Variants in CA10 observed in about 807,000 individuals in gnomAD.
The protein encoded by CA10 is carbonic anhydrase-related protein 10.
In CA10, 14 loss-of-function variants were observed where a neutral mutation model predicts 44.2. The observed-to-expected ratio is 0.32, with a 90% CI of 0.21 to 0.50. The LOEUF (loss-of-function observed/expected upper bound fraction) is 0.50. CA10 is among the 20% of genes least tolerant of loss of function. CA10 has a pLI of 0.99. For missense variants in CA10, 350 were observed against 409.7 expected, an observed-to-expected ratio of 0.85 and a Z score of 1.26; for synonymous variants, 159 against 141.6, an observed-to-expected ratio of 1.12 and a Z score of -0.87.
chr17:51,726,760 A>C (rs1311063073), intron 4 of CA10, among the ~76,000 whole-genome samples: 1 of 152,226 alleles, frequency 6.6e-6, no homozygotes, highest in Non-Finnish European at 1.5e-5. Context: ...TATGACAAGC[A>C]TAGAACAGAG....
chr17:51,866,137 C>T (rs570664942), intron 3 of CA10, among the ~76,000 whole-genome samples: 39 of 152,296 alleles, frequency 2.6e-4, no homozygotes, highest in Admixed American at 9.8e-4. Context: ...CCTGACGATG[C>T]CACTAAGCCC....
At position 51,884,340 on chromosome 17, in the gene CA10, T is replaced by A. The variant is rs557263430; in HGVS notation, c.279+46650A>T. On this transcript the variant is annotated intron_variant, in intron 3 of 8. Coordinates refer to ENST00000451037, the MANE Select transcript of CA10 (RefSeq NM_020178.5). ...CATTGTACTCAAATTGAAAGCAAAA[T>A]CCTTGCAATCCCTCTCACCTCATTG... Among the ~76,000 whole-genome samples the A allele has an allele frequency of 6.6e-4, 101 of 152,248 alleles. 2 individuals carry two copies. In the South Asian group the frequency reaches 0.02, roughly 30 times the overall value.
upstream of CA10, chr17:52,159,307 G>A (rs1333582815): frequency 6.6e-6 from 1 of 152,106 alleles, no homozygotes; most frequent in African/African-American, 2.4e-5. Context: ...TCCTAGACCA[G>A]GTGCAACTCT....
intron 3 of CA10, among the ~76,000 whole-genome samples, chr17:51,806,363 C>A (rs1242808520): frequency 6.6e-6 from 1 of 152,138 alleles, no homozygotes; most frequent in Non-Finnish European, 1.5e-5. Context: ...CTTTTGCTTC[C>A]ATAGAGCTCA....
chr17:51,706,067 C>T lies in CA10; in HGVS notation c.465+41566G>A, dbSNP rs562072809. Among the ~76,000 whole-genome samples, 4 of 152,274 alleles carry T rather than the reference C, an allele frequency of 2.6e-5. No individual in the cohort carries two copies. In the South Asian group the frequency reaches 8.3e-4, roughly 32 times the overall value. On this transcript the variant is annotated intron_variant, in intron 4 of 8. Transcript: ENST00000451037. ...TCTGGTTGAAGTCATAGTTCCAGCA[C>T]CGAGTAGCTGCGCAGTGCTGGGCAA...
At chr17:51,858,490 G>A (rs1428729508) in intron 3 of CA10, among the ~76,000 whole-genome samples, 1 of 152,136 alleles carries the variant, frequency 6.6e-6, no homozygotes, top group Non-Finnish European at 1.5e-5. Context: ...GGTTACAGCT[G>A]AAAATGTTAG....
At chr17:51,831,728 A>AGCCGCCGCC (rs1555604084) in intron 3 of CA10, among the ~76,000 whole-genome samples, 1 of 128,562 alleles carries the variant, frequency 7.8e-6, no homozygotes, top group African/African-American at 3.1e-5. Context: ...CAGCAGCAGC[A>AGCCGCCGCC]GCAGAAAAAG....
chr17:51,981,411 G>A (rs1022221902), intron 2 of CA10, among the ~76,000 whole-genome samples: 1 of 151,992 alleles, frequency 6.6e-6, no homozygotes, highest in Non-Finnish European at 1.5e-5. Context: ...GAGCAAAAAT[G>A]TCAAACAGAA....
At chr17:52,025,226 A>C (rs1042742552) in intron 2 of CA10, among the ~76,000 whole-genome samples, 2 of 152,116 alleles carry the variant, frequency 1.3e-5, no homozygotes, top group African/African-American at 2.4e-5. Context: ...ATCTGATTGA[A>C]CTGGCTGAGT....
chr17:52,125,022 A>C (rs1989089601), intron 1 of CA10, among the ~76,000 whole-genome samples: 2 of 152,194 alleles, frequency 1.3e-5, no homozygotes, highest in African/African-American at 4.8e-5. Flanking sequence ...TATGGTTTTC[A>C]CATACACATC....
intron 2 of CA10, among the ~76,000 whole-genome samples, chr17:51,998,428 T>C (rs1001271897): frequency 2.0e-5 from 3 of 152,070 alleles, no homozygotes; most frequent in Non-Finnish European, 1.5e-5. Context: ...AATTTAACTT[T>C]ACTTTCTTTT....
chr17:51,631,491 A>T lies in CA10; in HGVS notation c.*93T>A. On this transcript the variant is annotated 3_prime_UTR_variant, in exon 9 of 9. Transcript: ENST00000451037. ...AGAATGAATGAGGCTTGGGGGAAAG[A>T]AGGAGAGAGAAGCAAGAAGGGGGAC... The T allele has an allele frequency of 8.6e-7, 1 of 1,157,630 alleles. No homozygotes were observed. Among genetic ancestry groups the T allele is most frequent in the Non-Finnish European group, 1.3e-6 (1 of 768,584 alleles). 71.7% of individuals were successfully genotyped at this position (1,157,630 alleles called of 1,614,324 possible).
At chr17:51,775,604 C>T (rs1905789612) in intron 3 of CA10, among the ~76,000 whole-genome samples, 1 of 152,114 alleles carries the variant, frequency 6.6e-6, no homozygotes, top group Non-Finnish European at 1.5e-5. Flanking sequence ...AAATAAGAGT[C>T]CTCATCAAGT....
Position 51,849,176 on chromosome 17 carries a change from CAT to C in CA10, c.279+81812_279+81813del, listed in dbSNP as rs1567860251. 4.9e-4 allele frequency among the ~76,000 whole-genome samples: 38 copies of C among 78,068 alleles called. 1 individual carries two copies. Among genetic ancestry groups the C allele is most frequent in the African/African-American group, 1.8e-3 (36 of 20,238 alleles). 51.2% of individuals were successfully genotyped at this position (78,068 alleles called of 152,430 possible). On this transcript the variant is annotated intron_variant, in intron 3 of 8. Transcript: ENST00000451037. The stretch of plus-strand genomic sequence containing the variant: ...ATATACATATATGTATATATATATA[CAT>C]ATATGTATATATATATATACATATA...
intron 1 of CA10, among the ~76,000 whole-genome samples, chr17:52,129,424 C>G (rs565033368): frequency 6.6e-6 from 1 of 152,254 alleles, no homozygotes; most frequent in South Asian, 2.1e-4. Flanking sequence ...CACAAGAACA[C>G]TATGAGGTAG....
At chr17:51,633,769 T>A (rs1912702421) in intron 7 of CA10, 119 bp from the exon 8 acceptor site, 1 of 1,074,778 alleles carries the variant, frequency 9.3e-7, no homozygotes, top group East Asian at 2.5e-5. Context: ...GAAAGGGCTG[T>A]ATAAGCCCCA....
At chr17:52,004,933 T>C (rs1348683752) in intron 2 of CA10, among the ~76,000 whole-genome samples, 1 of 151,920 alleles carries the variant, frequency 6.6e-6, no homozygotes, top group Non-Finnish European at 1.5e-5. Flanking sequence ...CATCCAAAGC[T>C]AGGTCAAGAA....
rs71149392 is a variant in CA10 at position 52,108,194 on chromosome 17, TTATATATATATA to T, written c.62-35813_62-35802del. 9.7e-3 allele frequency among the ~76,000 whole-genome samples: 561 copies of T among 57,998 alleles called. 6 individuals carry two copies. Among genetic ancestry groups the T allele is most frequent in the African/African-American group, 0.078 (543 of 6,958 alleles). 38.0% of individuals were successfully genotyped at this position (57,998 alleles called of 152,430 possible). A position where few individuals can be genotyped will look rare whatever the true frequency, so the allele number is the denominator to read the frequency against. ...TAATATATTTTTATATATATATTTTTTATATATATATATATATATATATATATATATAATATG... is the reference window on the plus strand; with the variant it reads ...TAATATATTTTTATATATATATTTTTTATATATATATATATATATAATATG... On this transcript the variant is annotated intron_variant, in intron 1 of 8. Transcript: ENST00000451037.
intron 3 of CA10, among the ~76,000 whole-genome samples, chr17:51,882,130 A>G (rs567392480): frequency 8.5e-5 from 13 of 152,060 alleles, no homozygotes; most frequent in African/African-American, 2.9e-4. Context: ...ATAGATGCGT[A>G]TGTTATGCTG....
Sources: allele counts gnomAD v4.1 joint callset (sites outside exome capture counted in the v4.1 genomes callset), GRCh38; gene constraint gnomAD v4.1.1; transcripts MANE v1.5; gene names NCBI Gene and HGNC (gene_info 2026-07-23, HGNC 2026-07-21).